SEC14L1: variants seen among roughly 807,000 people sequenced by gnomAD.
The protein encoded by SEC14L1 is SEC14 like lipid binding 1, also known as SEC14-like protein 1.
SEC14L1 carries 48 observed loss-of-function variants against 85.3 expected under a neutral mutation model. The observed-to-expected ratio is 0.56, with a 90% CI of 0.45 to 0.72. The LOEUF (loss-of-function observed/expected upper bound fraction) is 0.72. Ranked by LOEUF, SEC14L1 falls within the 30% of genes least tolerant of loss-of-function variation. The probability of loss-of-function intolerance (pLI) is 0.00; values close to 1 mark genes in which losing one functional copy is unlikely to be tolerated. For synonymous variants in SEC14L1, 391 were observed against 355.5 expected, an observed-to-expected ratio of 1.10 and a Z score of -1.12; for missense variants, 682 against 921.4, an observed-to-expected ratio of 0.74 and a Z score of 3.36.
At position 77,213,943 on chromosome 17, in the gene SEC14L1, A is replaced by G. The variant is rs1976908703; in HGVS notation, c.2068A>G (p.Ser690Gly). 1.9e-6 allele frequency: 3 copies of G among 1,613,600 alleles called. No homozygotes were observed. In the East Asian group the frequency reaches 6.7e-5, roughly 36 times the overall value. Residue 690 changes from serine to glycine, a missense_variant, in exon 17 of 17, where the codon AGC becomes GGC. Physicochemically the swap from Ser to Gly is moderately conservative, Grantham distance 56. This residue lies in a region of SEC14L1 where 420 missense variants were observed against 619.5 expected (regional missense o/e 0.68). Coordinates refer to ENST00000436233, the MANE Select transcript of SEC14L1 (RefSeq NM_001143998.2). This position sits in a 1 kb window ranked among gnomAD's most constrained non-coding sequence, Gnocchi z 7.1. ...FRGSMTSLESSHSGFSQLSAA... is the reference protein window; with the variant it reads ...FRGSMTSLESGHSGFSQLSAA... ...AGGTTCCATGACGAGCCTGGAGTCC[A>G]GCCACAGCGGCTTCTCCCAGCTGAG...
chr17:77,180,022 T>TG (rs1974943291), intron 3 of SEC14L1, among the ~76,000 whole-genome samples: 2 of 150,780 alleles, frequency 1.3e-5, no homozygotes, highest in Admixed American at 1.3e-4. Context: ...TTTGTTTTGT[T>TG]TTATTTTGAT....
In SEC14L1 at chr17:77,216,548, G is replaced by C; in HGVS notation, c.*2525G>C. On this transcript the variant is annotated 3_prime_UTR_variant, in exon 17 of 17. Transcript: ENST00000436233. ...TCTCTTTCTCTTTCTCTGTGTCTCA[G>C]ATGGCGATTTTGCTGACAGCTGCCA... is the stretch of plus-strand genomic sequence containing the variant. The C allele has an allele frequency of 1.2e-6, 2 of 1,613,312 alleles. No individual in the cohort carries two copies. The highest frequency in any genetic ancestry group is 2.7e-5 in the African/African-American group (2 of 74,918).
intron 3 of SEC14L1, among the ~76,000 whole-genome samples, chr17:77,168,492 C>G (rs1002464044): frequency 3.9e-5 from 6 of 152,186 alleles, no homozygotes; most frequent in African/African-American, 1.4e-4. Flanking sequence ...GTAACAATTG[C>G]AAGAGAGGTT....
chr17:77,159,167 G>T (rs1354899394), intron 3 of SEC14L1, among the ~76,000 whole-genome samples: 2 of 137,514 alleles, frequency 1.5e-5, no homozygotes, highest in Non-Finnish European at 3.2e-5. Context: ...CCTGGGTCAA[G>T]CAATTCTCCT....
upstream of SEC14L1, chr17:77,140,633 A>T (rs555653505): frequency 2.2e-3 from 340 of 151,862 alleles, no homozygotes; most frequent in Non-Finnish European, 3.8e-3. Context: ...TTGGGGCTTC[A>T]CTCCGCCTCC....
chr17:77,205,833 G>C (rs1224929715), intron 11 of SEC14L1, among the ~76,000 whole-genome samples: 1 of 152,176 alleles, frequency 6.6e-6, no homozygotes, highest in Non-Finnish European at 1.5e-5. Flanking sequence ...CTCTCTCTCT[G>C]TTGAAGCATA....
intron 14 of SEC14L1, chr17:77,209,725 C>G (rs1976653187): frequency 8.1e-6 from 3 of 368,906 alleles, no homozygotes; most frequent in Non-Finnish European, 1.5e-5. Flanking sequence ...CTCTTGACCT[C>G]CATTTTACTA....
chr17:77,106,333 A>T (rs1180226053), intron 3 of SEC14L1, among the ~76,000 whole-genome samples: 2 of 152,280 alleles, frequency 1.3e-5, no homozygotes, highest in East Asian at 3.9e-4. Context: ...GGAGTTTGAG[A>T]CCAGCCTGGC....
rs970469308 is a variant in SEC14L1, at chr17:77,185,128, A to C, written c.64-5675A>C. On this transcript the variant is annotated intron_variant, in intron 3 of 16. Coordinates refer to ENST00000436233, the MANE Select transcript of SEC14L1 (RefSeq NM_001143998.2). ...GTAAGATTGTATTGTATGCTTCAAAACATGTTTTTTGGACAAGGACTTTGT... is the reference window on the plus strand; with the variant it reads ...GTAAGATTGTATTGTATGCTTCAAACCATGTTTTTTGGACAAGGACTTTGT... The C allele has an allele frequency of 4.0e-6, 3 of 749,836 alleles. No homozygotes were observed. The South Asian group carries it at 1.8e-4, about 45-fold the overall frequency. The allele number at this position is 749,836 out of a possible 1,614,324, so 46.4% of individuals were successfully genotyped here.
rs111170710 is a variant in SEC14L1 at position 77,216,006 on chromosome 17, C to T, written c.*1983C>T. 1.5e-5 allele frequency: 12 copies of T among 819,576 alleles called. 1 individual carries two copies. Among genetic ancestry groups the T allele is most frequent in the African/African-American group, 7.3e-5 (2 of 27,324 alleles). The allele number at this position is 819,576 out of a possible 1,614,324, so 50.8% of individuals were successfully genotyped here. ...GTAGGTAGGGCTAGTAGGTAGGGTTCGTAGGTAGGGTTCGTAGGTAGGGCT... is the reference window on the plus strand; with the variant it reads ...GTAGGTAGGGCTAGTAGGTAGGGTTTGTAGGTAGGGTTCGTAGGTAGGGCT... On this transcript the variant is annotated 3_prime_UTR_variant, in exon 17 of 17. Coordinates refer to ENST00000436233, the MANE Select transcript of SEC14L1 (RefSeq NM_001143998.2).
intron 3 of SEC14L1, 114 bp from the exon 4 acceptor site, chr17:77,190,689 G>T: frequency 1.0e-6 from 1 of 1,000,060 alleles, no homozygotes. Context: ...GACAGTTGTG[G>T]CGCTGCCTGT....
chr17:77,104,681 C>T (rs1018535388), intron 3 of SEC14L1, among the ~76,000 whole-genome samples: 5 of 150,312 alleles, frequency 3.3e-5, no homozygotes, highest in African/African-American at 1.2e-4. Context: ...ATCCCAGCTA[C>T]TCAGGAGGCT....
intron 3 of SEC14L1, among the ~76,000 whole-genome samples, chr17:77,098,652 G>A (rs747274994): frequency 6.6e-6 from 1 of 152,092 alleles, no homozygotes; most frequent in South Asian, 2.1e-4. Flanking sequence ...TAAAGATCGC[G>A]TGCCCTTCAC....
chr17:77,116,629 A>G (rs138276351), intron 3 of SEC14L1, among the ~76,000 whole-genome samples: 1 of 152,346 alleles, frequency 6.6e-6, no homozygotes, highest in Non-Finnish European at 1.5e-5. Flanking sequence ...TGAAAGGCTC[A>G]TATTTTTCAT....
At chr17:77,089,148 C>G (rs9900566) in intron 1 of SEC14L1, 50,679 of 338,802 alleles carry the variant, frequency 0.15, 4,639 homozygotes, top group Non-Finnish European at 0.19. Flanking sequence ...ACTTTTTCCC[C>G]CAAGGTTTCA....
rs1427558911 is a variant in SEC14L1 at position 77,215,646 on chromosome 17, A to T, written c.*1623A>T. ...TGCTGTGATCACCTGCCTTTGGACC[A>T]CATTTGTGTTTGCTCTTAGAGATCG... On this transcript the variant is annotated 3_prime_UTR_variant, in exon 17 of 17. Transcript: ENST00000436233. 5 of 991,176 alleles carry T rather than the reference A, an allele frequency of 5.0e-6. No individual in the cohort carries two copies. Among genetic ancestry groups the T allele is most frequent in the Non-Finnish European group, 4.8e-6 (4 of 832,604 alleles). The allele number at this position is 991,176 out of a possible 1,614,324, so 61.4% of individuals were successfully genotyped here.
chr17:77,099,287 A>C (rs1327270859), intron 3 of SEC14L1: 1 of 152,176 alleles, frequency 6.6e-6, no homozygotes, highest in Non-Finnish European at 1.5e-5. Context: ...GTTGACTCCC[A>C]CACGAGGCTC....
chr17:77,172,605 T>G (rs1471510181), intron 3 of SEC14L1, among the ~76,000 whole-genome samples: 1 of 152,216 alleles, frequency 6.6e-6, no homozygotes, highest in Non-Finnish European at 1.5e-5. Context: ...TAGATTTATC[T>G]TTCCAGTTCT....
At chr17:77,110,744 C>A (rs9900437) in intron 3 of SEC14L1, among the ~76,000 whole-genome samples, 24,243 of 151,324 alleles carry the variant, frequency 0.16, 2,901 homozygotes, top group African/African-American at 0.34. Context: ...ATTAACTGGG[C>A]GTGTTGGCAG....
Sources: allele counts gnomAD v4.1 joint callset (sites outside exome capture counted in the v4.1 genomes callset), GRCh38; gene constraint gnomAD v4.1.1; regional missense constraint gnomAD v4.1.1; non-coding constraint Gnocchi (gnomAD v3.1); transcripts MANE v1.5; gene names NCBI Gene and HGNC (gene_info 2026-07-23, HGNC 2026-07-21).